Variants in FHIT observed in about 807,000 individuals in gnomAD.
FHIT encodes fragile histidine triad diadenosine triphosphatase, also known as bis(5'-adenosyl)-triphosphatase.
Under a neutral mutation model 17.9 loss-of-function variants are expected in FHIT, and 19 were observed. That is an observed-to-expected ratio of 1.06 (90% CI 0.74 to 1.56). The LOEUF (loss-of-function observed/expected upper bound fraction) is 1.56. FHIT is among the 40% of genes most tolerant of loss of function. The pLI, the probability that FHIT is intolerant of heterozygous loss-of-function variation, is 0.00. For synonymous variants in FHIT, 81 were observed against 69.7 expected (o/e 1.16, Z -0.81); for missense variants, 248 against 189.2 (o/e 1.31, Z -1.82).
chr3:59,853,710 CACATATGCAGACACAGAG>C (rs1164926998), intron 8 of FHIT, among the ~76,000 whole-genome samples: 1 of 152,090 alleles, frequency 6.6e-6, no homozygotes, highest in African/African-American at 2.4e-5. Flanking sequence ...GTGTGACAGA[CACATATGCAGACACAGAG>C]ATATGGGGAC....
chr3:60,508,613 G>A (rs1295230214), intron 5 of FHIT, among the ~76,000 whole-genome samples: 1 of 151,886 alleles, frequency 6.6e-6, no homozygotes, highest in African/African-American at 2.4e-5. Flanking sequence ...TGGAAAAGGT[G>A]AAAACAAAAA....
chr3:60,571,956 T>G (rs1482086134), intron 4 of FHIT, among the ~76,000 whole-genome samples: 1 of 152,226 alleles, frequency 6.6e-6, no homozygotes, highest in East Asian at 1.9e-4. Context: ...ATCATTTCTT[T>G]GGTCATTGCT....
At chr3:60,589,965 C>T (rs1251521010) in intron 4 of FHIT, among the ~76,000 whole-genome samples, 2 of 151,950 alleles carry the variant, frequency 1.3e-5, no homozygotes, top group African/African-American at 4.8e-5. Flanking sequence ...GGTAAATTTA[C>T]AAACTTTAGT....
chr3:61,190,640 A>C (rs113041852), intron 2 of FHIT, among the ~76,000 whole-genome samples: 7,216 of 152,250 alleles, frequency 0.047, 540 homozygotes, highest in East Asian at 0.28. Context: ...ACGTATGTTT[A>C]TTGTGGCACT....
At chr3:60,573,443 G>A (rs1461989265) in intron 4 of FHIT, among the ~76,000 whole-genome samples, 3 of 152,080 alleles carry the variant, frequency 2.0e-5, no homozygotes, top group Non-Finnish European at 4.4e-5. Context: ...AACTGTAGTG[G>A]GTATAGAAAG....
chr3:60,224,986 G>C (rs1157456477), intron 5 of FHIT, among the ~76,000 whole-genome samples: 2 of 152,052 alleles, frequency 1.3e-5, no homozygotes, highest in African/African-American at 4.8e-5. Context: ...CTCCCAAAGT[G>C]CTGGGATTAC....
At chr3:60,333,995 C>T (rs183098010) in intron 5 of FHIT, among the ~76,000 whole-genome samples, 1 of 152,012 alleles carries the variant, frequency 6.6e-6, no homozygotes, top group Non-Finnish European at 1.5e-5. Flanking sequence ...ACATAAACCC[C>T]TCATTTTAGT....
intron 7 of FHIT, among the ~76,000 whole-genome samples, chr3:59,951,846 C>A (rs1707132672): frequency 6.6e-6 from 1 of 152,196 alleles, no homozygotes; most frequent in Admixed American, 6.5e-5. Flanking sequence ...CATCTCACAG[C>A]TGAGAAATGG....
intron 4 of FHIT, among the ~76,000 whole-genome samples, chr3:60,819,043 T>C (rs1205078039): frequency 4.6e-5 from 7 of 151,334 alleles, no homozygotes; most frequent in African/African-American, 9.7e-5. Flanking sequence ...CTTTTCTTTT[T>C]TTTTTTTTTG....
At chr3:60,205,000 G>T (rs1703105779) in intron 5 of FHIT, among the ~76,000 whole-genome samples, 1 of 151,934 alleles carries the variant, frequency 6.6e-6, no homozygotes. Flanking sequence ...GGAGGCTGAG[G>T]TGGGAAGATA....
At chr3:61,039,564 G>A (rs2033408727) in intron 3 of FHIT, among the ~76,000 whole-genome samples, 1 of 152,148 alleles carries the variant, frequency 6.6e-6, no homozygotes. Context: ...GGACATGGAT[G>A]AAGCTGGAAA....
At chr3:60,769,769 A>G (rs552719306) in intron 4 of FHIT, among the ~76,000 whole-genome samples, 7 of 152,336 alleles carry the variant, frequency 4.6e-5, no homozygotes, top group Non-Finnish European at 7.3e-5. Context: ...ACACTCAGCT[A>G]TTGTTACAGG....
At chr3:60,522,800 G>C (rs1327149559) in intron 5 of FHIT, among the ~76,000 whole-genome samples, 1 of 152,126 alleles carries the variant, frequency 6.6e-6, no homozygotes, top group African/African-American at 2.4e-5. Flanking sequence ...CTCAAGAATT[G>C]ATGCTCTTTC....
At chr3:60,490,148 T>A (rs1444866124) in intron 5 of FHIT, among the ~76,000 whole-genome samples, 2 of 152,124 alleles carry the variant, frequency 1.3e-5, no homozygotes, top group Non-Finnish European at 2.9e-5. Context: ...AGATGATAAA[T>A]ATCCATAATG....
chr3:60,832,068 GTAA>G (rs782068388), intron 3 of FHIT, among the ~76,000 whole-genome samples: 13 of 151,724 alleles, frequency 8.6e-5, no homozygotes, highest in Non-Finnish European at 1.6e-4. Context: ...TTAGCCCCAA[GTAA>G]TAATAATAAT....
intron 3 of FHIT, among the ~76,000 whole-genome samples, chr3:61,000,999 G>C (rs1448499342): frequency 1.3e-5 from 2 of 151,414 alleles, no homozygotes; most frequent in Non-Finnish European, 2.9e-5. Flanking sequence ...AAAATGGGCA[G>C]AAAATATGAA....
At chr3:59,846,163 T>C (rs566530122) in intron 8 of FHIT, among the ~76,000 whole-genome samples, 1 of 152,260 alleles carries the variant, frequency 6.6e-6, no homozygotes, top group South Asian at 2.1e-4. Context: ...GTTTATTTTG[T>C]CCCTCATTTC....
intron 2 of FHIT, among the ~76,000 whole-genome samples, chr3:61,123,651 ACTT>A (rs750148595): frequency 5.9e-5 from 9 of 152,126 alleles, no homozygotes; most frequent in Non-Finnish European, 1.0e-4. Context: ...TCTTTAACCT[ACTT>A]CTTCTTGTTC....
chr3:60,027,148 C>CACAA (rs1553654525), intron 5 of FHIT, among the ~76,000 whole-genome samples: 11 of 125,842 alleles, frequency 8.7e-5, no homozygotes, highest in African/African-American at 3.0e-4. Context: ...CACACACACA[C>CACAA]AAAATTAGTA....
Sources: gnomAD v4.1 joint callset for allele counts (sites outside exome capture counted in the v4.1 genomes callset) on GRCh38, gnomAD v4.1.1 for gene constraint, MANE v1.5 for transcripts, NCBI Gene and HGNC (gene_info 2026-07-23, HGNC 2026-07-21) for gene names.